Variants in C2orf72 observed in about 807,000 individuals in gnomAD.
C2orf72 encodes the protein uncharacterized protein C2orf72.
In C2orf72, 16 loss-of-function variants were observed where a neutral mutation model predicts 14.4. That is an observed-to-expected ratio of 1.11 (90% CI 0.75 to 1.69). C2orf72 has a LOEUF of 1.69. Ranked by LOEUF, C2orf72 falls within the 40% of genes most tolerant of loss-of-function variation. The probability of loss-of-function intolerance (pLI) is 0.00; values close to 1 mark genes in which losing one functional copy is unlikely to be tolerated. For missense variants in C2orf72, 371 were observed against 358.3 expected (o/e 1.04, Z -0.29); for synonymous variants, 168 against 176.8 (o/e 0.95, Z 0.40).
At chr2:231,046,291 AGTGTGTGTGT>A (rs34513584) in intron 2 of C2orf72, among the ~76,000 whole-genome samples, 1,613 of 136,274 alleles carry the variant, frequency 0.012, 42 homozygotes, top group African/African-American at 0.039. Flanking sequence ...ACTTCTATGC[AGTGTGTGTGT>A]GTGTGTGTGT....
Position 231,038,762 on chromosome 2 carries a change from A to C in C2orf72, c.634+563A>C, listed in dbSNP as rs563250594. On this transcript the variant is annotated intron_variant, in intron 1 of 2. Transcript: ENST00000373640. ...AGAGGGCAAGGAATGGGTGCTCGGGACTTGACGTGTGGGGAGGTGAGAGGG... is the reference window on the plus strand; with the variant it reads ...AGAGGGCAAGGAATGGGTGCTCGGGCCTTGACGTGTGGGGAGGTGAGAGGG... Among the ~76,000 whole-genome samples the C allele has an allele frequency of 4.6e-5, 7 of 152,120 alleles. No homozygotes were observed. The South Asian group carries it at 1.5e-3, about 32-fold the overall frequency.
chr2:231,047,120 C>A lies in C2orf72; in HGVS notation c.*99C>A, dbSNP rs571417021. ...TCTCCATGGAGACTGCAGAAACCCC[C>A]GCCTGCTGGAGGCCTGCCACACTCA... On this transcript the variant is annotated 3_prime_UTR_variant, in exon 3 of 3. Coordinates refer to ENST00000373640, the MANE Select transcript of C2orf72 (RefSeq NM_001144994.2). 1 of 1,446,262 alleles carries A rather than the reference C, an allele frequency of 6.9e-7. No individual in the cohort carries two copies. Among genetic ancestry groups the A allele is most frequent in the Non-Finnish European group, 9.5e-7 (1 of 1,054,292 alleles). The allele number at this position is 1,446,262 out of a possible 1,614,324, so 89.6% of individuals were successfully genotyped here. A position where few individuals can be genotyped will look rare whatever the true frequency, so the allele number is the denominator to read the frequency against.
chr2:231,038,612 G>C (rs1693293286), intron 1 of C2orf72, among the ~76,000 whole-genome samples: 2 of 152,252 alleles, frequency 1.3e-5, no homozygotes, highest in African/African-American at 2.4e-5. Flanking sequence ...AAGGAGATTG[G>C]CGGTGCCAGA....
chr2:231,039,184 G>A (rs1693305874), intron 1 of C2orf72, among the ~76,000 whole-genome samples: 1 of 152,074 alleles, frequency 6.6e-6, no homozygotes, highest in South Asian at 2.1e-4. Context: ...GGCGTAGGGG[G>A]AGGGAGGAGG....
rs139256632 is a variant in C2orf72, at chr2:231,047,396, A to T, written c.*375A>T. The T allele has an allele frequency of 7.5e-3, 2,725 of 362,678 alleles. 142 individuals are homozygous for T. In the Admixed American group the frequency reaches 0.09, roughly 12 times the overall value. The allele number at this position is 362,678 out of a possible 1,614,324, so 22.5% of individuals were successfully genotyped here. On this transcript the variant is annotated 3_prime_UTR_variant, in exon 3 of 3. Transcript: ENST00000373640. ...CATGGGCACCCATCGTTGAGAGTGC[A>T]GCTGGGAAGAACTCTGAACCAGAAG...
At chr2:231,040,260 C>CGTTCCCTTGTGAACATGATTTT (rs1490229288) in intron 1 of C2orf72, among the ~76,000 whole-genome samples, 1 of 152,214 alleles carries the variant, frequency 6.6e-6, no homozygotes, top group Admixed American at 6.5e-5. Flanking sequence ...CACATGATTT[C>CGTTCCCTTGTGAACATGATTTT]GTTCCCTTGT....
intron 1 of C2orf72, 42 bp from the exon 2 acceptor site, chr2:231,041,254 G>A (rs1355930491): frequency 7.1e-7 from 1 of 1,401,490 alleles, no homozygotes; most frequent in Non-Finnish European, 9.7e-7. Flanking sequence ...TGTGAAGTGG[G>A]AACCATGTGA....
In C2orf72 at chr2:231,041,342, CT is replaced by C. The variant is rs1336604121; in HGVS notation, c.685del (p.Ser229ProfsTer33). 1 of 1,551,454 alleles carries C rather than the reference CT, an allele frequency of 6.4e-7. No individual in the cohort carries two copies. The highest frequency in any genetic ancestry group is 8.7e-7 in the Non-Finnish European group (1 of 1,146,844). The stretch of plus-strand genomic sequence containing the variant: ...CAGGCCTCCCCGGACTGCTAGCCTG[CT>C]TTTCCTGGGGTCCCTGGAGCCGGAG... ...RPGLPGLLAC[F>X]SWGPWSRRKN... On this transcript the variant is annotated frameshift_variant, in exon 2 of 3. Coordinates refer to ENST00000373640, the MANE Select transcript of C2orf72 (RefSeq NM_001144994.2). LOFTEE classifies it high-confidence loss of function.
intron 2 of C2orf72, among the ~76,000 whole-genome samples, chr2:231,043,936 AACC>A (rs1693375775): frequency 6.6e-6 from 1 of 152,228 alleles, no homozygotes; most frequent in Non-Finnish European, 1.5e-5. Context: ...TGGATGGTAT[AACC>A]TACTACATGC....
intron 1 of C2orf72, among the ~76,000 whole-genome samples, chr2:231,040,637 A>G (rs904836447): frequency 6.6e-6 from 1 of 152,124 alleles, no homozygotes; most frequent in East Asian, 1.9e-4. Flanking sequence ...AAAGTTTTCC[A>G]ATTTCTTTCC....
chr2:231,047,583 CTG>C lies in C2orf72; in HGVS notation c.*565_*566del, dbSNP rs1158022924. On this transcript the variant is annotated 3_prime_UTR_variant, in exon 3 of 3. Transcript: ENST00000373640. ...GTGTGTGTTGAGGGGGTCACAGTGA[CTG>C]TGGGGGCACCCCTGGCATCTAGTGG... 8.6e-6 allele frequency: 2 copies of C among 232,842 alleles called. No homozygotes were observed. Among genetic ancestry groups the C allele is most frequent in the Non-Finnish European group, 1.7e-5 (2 of 115,258 alleles). The allele number at this position is 232,842 out of a possible 1,614,324, so 14.4% of individuals were successfully genotyped here. A position where few individuals can be genotyped will look rare whatever the true frequency, so the allele number is the denominator to read the frequency against.
intron 2 of C2orf72, among the ~76,000 whole-genome samples, chr2:231,044,732 A>G (rs1559209902): frequency 2.2e-5 from 3 of 139,290 alleles, no homozygotes; most frequent in Admixed American, 1.5e-4. Flanking sequence ...CTACACCTAC[A>G]CACAAGGTCA....
intron 2 of C2orf72, among the ~76,000 whole-genome samples, chr2:231,043,510 CT>C (rs1253170441): frequency 6.6e-6 from 1 of 152,138 alleles, no homozygotes; most frequent in Non-Finnish European, 1.5e-5. Context: ...CCTATCTCTC[CT>C]TGTGCTCTTT....
intron 2 of C2orf72, among the ~76,000 whole-genome samples, chr2:231,042,571 G>C (rs971598906): frequency 9.2e-5 from 14 of 152,208 alleles, no homozygotes; most frequent in Non-Finnish European, 1.5e-4. Flanking sequence ...AATGCACACA[G>C]CCCATCCCAA....
At chr2:231,042,856 T>C (rs1171828324) in intron 2 of C2orf72, among the ~76,000 whole-genome samples, 1 of 152,084 alleles carries the variant, frequency 6.6e-6, no homozygotes, top group East Asian at 1.9e-4. Context: ...AATACAAAAT[T>C]AGCCGGGTGT....
At position 231,049,336 on chromosome 2, in the gene C2orf72, G is replaced by A. The variant is rs560365255; in HGVS notation, c.*2315G>A. ...GGTTCTGCCTCCCAAGTGACAATACGGGGCTGAGATCCCTCTCAGCTTCTT... is the reference window on the plus strand; with the variant it reads ...GGTTCTGCCTCCCAAGTGACAATACAGGGCTGAGATCCCTCTCAGCTTCTT... On this transcript the variant is annotated 3_prime_UTR_variant, in exon 3 of 3. Transcript: ENST00000373640. 7.2e-5 allele frequency: 11 copies of A among 152,312 alleles called. No homozygotes were observed. The highest frequency in any genetic ancestry group is 5.9e-4 in the Admixed American group (9 of 15,302). The allele number at this position is 152,312 out of a possible 1,614,324, so 9.4% of individuals were successfully genotyped here.
chr2:231,043,100 T>C (rs1478368934), intron 2 of C2orf72, among the ~76,000 whole-genome samples: 1 of 152,268 alleles, frequency 6.6e-6, no homozygotes, highest in Non-Finnish European at 1.5e-5. Flanking sequence ...GGGGCTGCTC[T>C]CAGCTCCAAG....
chr2:231,040,718 T>C (rs1276098840), intron 1 of C2orf72, among the ~76,000 whole-genome samples: 2 of 152,246 alleles, frequency 1.3e-5, no homozygotes, highest in Non-Finnish European at 1.5e-5. Context: ...CAGTTCGTGG[T>C]ACCTAATCCA....
intron 1 of C2orf72, 54 bp downstream of exon 1, chr2:231,038,253 C>A (rs947037463): frequency 8.6e-7 from 1 of 1,160,048 alleles, no homozygotes; most frequent in African/African-American, 1.6e-5. Context: ...TCGGGCACGT[C>A]CCCCAAGTTG....
Sources: allele counts gnomAD v4.1 joint callset (sites outside exome capture counted in the v4.1 genomes callset), GRCh38; gene constraint gnomAD v4.1.1; transcripts MANE v1.5; gene names NCBI Gene and HGNC (gene_info 2026-07-23, HGNC 2026-07-21).